Variants in MYO1F observed in about 807,000 individuals in gnomAD.
The protein encoded by MYO1F is myosin IF.
A neutral mutation model predicts 146.6 loss-of-function variants in MYO1F; 60 were observed. That is an observed-to-expected ratio of 0.41 (90% CI 0.33 to 0.51). The LOEUF is 0.51. Ranked by LOEUF, MYO1F falls within the 20% of genes least tolerant of loss-of-function variation. The probability of loss-of-function intolerance (pLI) is 0.25; values close to 1 mark genes in which losing one functional copy is unlikely to be tolerated. For synonymous variants in MYO1F, 602 were observed against 602.1 expected, an observed-to-expected ratio of 1.00 and a Z score of 0.00; for missense variants, 1,274 against 1,534.3, an observed-to-expected ratio of 0.83 and a Z score of 2.83.
chr19:8,547,033 C>G lies in MYO1F; in HGVS notation c.1269+1003G>C, dbSNP rs113664957. Among the ~76,000 whole-genome samples, 1,474 of 152,238 alleles carry G rather than the reference C, an allele frequency of 9.7e-3. 30 individuals are homozygous for G. Among genetic ancestry groups the G allele is most frequent in the African/African-American group, 0.032 (1,320 of 41,556 alleles). On this transcript the variant is annotated intron_variant, in intron 12 of 27. Transcript: ENST00000644032. ...TGTCTCAGGACTGGGCATATTAACT[C>G]ATGCCTGTAGTCCCAGCACTTTGGC... is the stretch of plus-strand genomic sequence containing the variant.
intron 16 of MYO1F, among the ~76,000 whole-genome samples, chr19:8,538,876 C>T (rs1386670280): frequency 6.6e-6 from 1 of 152,130 alleles, no homozygotes; most frequent in Non-Finnish European, 1.5e-5. Context: ...GGCAGTGTTT[C>T]CTGGGGACAC....
intron 15 of MYO1F, 183 bp from the exon 16 acceptor site, chr19:8,540,211 G>T (rs148328349): frequency 9.1e-6 from 5 of 549,454 alleles, no homozygotes; most frequent in Non-Finnish European, 1.6e-5. Flanking sequence ...GCAGGGCCTC[G>T]CTTTGTCCTC....
At chr19:8,525,635 T>C (rs1368124711) in intron 24 of MYO1F, 73 bp from the exon 25 acceptor site, 121 of 1,323,944 alleles carry the variant, frequency 9.1e-5, no homozygotes. Context: ...ATCTAGTCCA[T>C]TCTGAGGCTC....
intron 10 of MYO1F, 38 bp downstream of exon 10, chr19:8,550,122 G>C: frequency 1.2e-6 from 2 of 1,607,440 alleles, no homozygotes; most frequent in Non-Finnish European, 1.7e-6. Flanking sequence ...TGTGACCCCA[G>C]AGCATCCACT....
chr19:8,553,888 A>ACTCTCTCTCTCTCTCT (rs1318395114), intron 4 of MYO1F, among the ~76,000 whole-genome samples: 1 of 67,634 alleles, frequency 1.5e-5, no homozygotes, highest in African/African-American at 4.8e-5. Flanking sequence ...ACACACACAC[A>ACTCTCTCTCTCTCTCT]CACACACTCT....
rs1338495659 is a variant in MYO1F at position 8,522,561 on chromosome 19, G to A, written c.3051-15C>T. 5.6e-6 allele frequency: 9 copies of A among 1,610,180 alleles called. No individual in the cohort carries two copies. Among genetic ancestry groups the A allele is most frequent in the African/African-American group, 1.3e-5 (1 of 74,980 alleles). ...TCCTCTGCATGCTGTGGGCACAGGG[G>A]GTTTGAGTCACAGCCCCAGACACTC... On this transcript the variant is annotated splice_polypyrimidine_tract_variant and intron_variant, in intron 26 of 27. Coordinates refer to ENST00000644032, the MANE Select transcript of MYO1F (RefSeq NM_012335.4).
rs1972235799 is a variant in MYO1F, at chr19:8,525,639, GA to G, written c.2771-78del. The G allele has an allele frequency of 6.3e-6, 8 of 1,279,552 alleles. No homozygotes were observed. In the South Asian group the frequency reaches 9.9e-5, roughly 16 times the overall value. 79.3% of individuals were successfully genotyped at this position (1,279,552 alleles called of 1,614,324 possible). ...CCCGCCCACAAATCTAGTCCATTCT[GA>G]GGCTCCGCCGCACCCCGCCCCCTCA... On this transcript the variant is annotated intron_variant, in intron 24 of 27. Transcript: ENST00000644032.
At chr19:8,563,908 C>T (rs976101976) in intron 1 of MYO1F, among the ~76,000 whole-genome samples, 22 of 152,102 alleles carry the variant, frequency 1.4e-4, no homozygotes, top group African/African-American at 5.3e-4. Flanking sequence ...AGATTATAGG[C>T]ATGAGCCACT....
chr19:8,529,764 C>T (rs1261352454), intron 21 of MYO1F: 1 of 322,286 alleles, frequency 3.1e-6, no homozygotes, highest in South Asian at 2.7e-5. Context: ...GCTACAAGTG[C>T]ATGTTTGATG....
chr19:8,545,723 T>C lies in MYO1F; in HGVS notation c.1283A>G (p.Gln428Arg), dbSNP rs752235811. Residue 428 changes from glutamine (Q) to arginine (R), a missense_variant, in exon 13 of 28, where the codon CAG (glutamine) becomes CGG (arginine). By Grantham distance (43) the Gln-to-Arg change is conservative (BLOSUM62 1). This residue lies in a region of MYO1F where 900 missense variants were observed against 1,155.1 expected (regional missense o/e 0.78). Transcript: ENST00000644032. ...TLKAEQEEYV[Q>R]EGIRWTPIQY... ...GATTGGAGTCCAGCGGATGCCTTCCTGCACATACTCCTCCTGGGGTGGAAA... is the reference window on the plus strand; with the variant it reads ...GATTGGAGTCCAGCGGATGCCTTCCCGCACATACTCCTCCTGGGGTGGAAA... 1 of 1,613,992 alleles carries C rather than the reference T, an allele frequency of 6.2e-7. No individual in the cohort carries two copies. Among genetic ancestry groups the C allele is most frequent in the Non-Finnish European group, 8.5e-7 (1 of 1,179,878 alleles).
In MYO1F at chr19:8,521,168, T is replaced by G; in HGVS notation, c.*360A>C. 2.7e-6 allele frequency: 1 copy of G among 364,692 alleles called. No individual in the cohort carries two copies. The highest frequency in any genetic ancestry group is 2.4e-5 in the South Asian group (1 of 41,022). 22.6% of individuals were successfully genotyped at this position (364,692 alleles called of 1,614,324 possible). ...ATGACAGAATGAGCAAAGTCACGCT[T>G]GTTAAGGACCCCCCCCTCCCCAACT... On this transcript the variant is annotated 3_prime_UTR_variant, in exon 28 of 28. Coordinates refer to ENST00000644032, the MANE Select transcript of MYO1F (RefSeq NM_012335.4).
intron 25 of MYO1F, among the ~76,000 whole-genome samples, chr19:8,524,117 T>A (rs1461335640): frequency 1.3e-3 from 4 of 2,998 alleles, no homozygotes; most frequent in Non-Finnish European, 2.1e-3. Flanking sequence ...AGACACCGTC[T>A]CAAAAAAAAA....
chr19:8,566,190 T>C (rs1228832685), intron 1 of MYO1F, among the ~76,000 whole-genome samples: 1 of 123,502 alleles, frequency 8.1e-6, no homozygotes, highest in Non-Finnish European at 1.6e-5. Context: ...TTTTTTGAGA[T>C]GGAGTCTTGC....
At chr19:8,534,989 T>G (rs1427120037) in intron 19 of MYO1F, among the ~76,000 whole-genome samples, 2 of 148,776 alleles carry the variant, frequency 1.3e-5, no homozygotes, top group East Asian at 2.0e-4. Context: ...TTGGCTCACT[T>G]CAGCCTCTGC....
Position 8,550,263 on chromosome 19 carries a change from C to T in MYO1F, c.998G>A (p.Arg333His), listed in dbSNP as rs774694675. 9.3e-6 allele frequency: 15 copies of T among 1,614,176 alleles called. No homozygotes were observed. The highest frequency in any genetic ancestry group is 8.9e-5 in the East Asian group (4 of 44,886). The change falls in exon 10 of 28, where the codon CGC becomes CAC. Residue 333 changes from arginine (R) to histidine (H), a missense_variant. Arg to His is a conservative substitution (Grantham distance 29). Transcript: ENST00000644032. ...GAGGGTCACATTGATGGACTCGCTG[C>T]GCCCGCCCCAGCGGCTGTCCATCTT... ...SRKMDSRWGG[R>H]SESINVTLNV...
At chr19:8,563,117 G>A (rs566548728) in intron 1 of MYO1F, among the ~76,000 whole-genome samples, 65 of 150,320 alleles carry the variant, frequency 4.3e-4, no homozygotes, top group African/African-American at 1.5e-3. Flanking sequence ...TCAGCCTCCC[G>A]AGTAGCTGGG....
intron 16 of MYO1F, among the ~76,000 whole-genome samples, chr19:8,537,426 G>GT (rs888394111): frequency 9.9e-5 from 15 of 151,758 alleles, no homozygotes; most frequent in African/African-American, 1.9e-4. Flanking sequence ...TTGGGTGTTT[G>GT]TTTTTTTTGT....
chr19:8,540,752 G>A (rs1306637168), intron 15 of MYO1F, among the ~76,000 whole-genome samples: 2 of 151,788 alleles, frequency 1.3e-5, no homozygotes, highest in South Asian at 2.1e-4. Context: ...TGATGGTTGC[G>A]CAATTCTGTG....
intron 4 of MYO1F, 32 bp from the exon 5 acceptor site, chr19:8,553,469 G>T: frequency 6.3e-7 from 1 of 1,592,108 alleles, no homozygotes; most frequent in South Asian, 1.1e-5. Context: ...AATGATCAGT[G>T]GTTGGGGAAG....
Sources: allele counts gnomAD v4.1 joint callset (sites outside exome capture counted in the v4.1 genomes callset), GRCh38; gene constraint gnomAD v4.1.1; regional missense constraint gnomAD v4.1.1; transcripts MANE v1.5; gene names NCBI Gene and HGNC (gene_info 2026-07-23, HGNC 2026-07-21).